Variants in CNTNAP4 observed in about 807,000 individuals in gnomAD.
CNTNAP4 encodes the protein contactin-associated protein-like 4.
In CNTNAP4, 98 loss-of-function variants were observed where a neutral mutation model predicts 148.4. The ratio of observed to expected loss-of-function variants is 0.66; its 90% CI spans 0.56 to 0.78. The LOEUF (loss-of-function observed/expected upper bound fraction) is 0.78. CNTNAP4 is among the 30% of genes least tolerant of loss of function. The pLI is 0.00. For synonymous variants in CNTNAP4, 730 were observed against 565.1 expected (o/e 1.29, Z -4.14); for missense variants, 1,935 against 1,565.6 (o/e 1.24, Z -3.98).
intron 4 of CNTNAP4, among the ~76,000 whole-genome samples, chr16:76,441,421 T>A (rs562663878): frequency 6.6e-6 from 1 of 152,278 alleles, no homozygotes; most frequent in East Asian, 1.9e-4. Flanking sequence ...ATTGTGTAAA[T>A]AAAGCAAGCT....
chr16:76,374,989 G>C (rs530498245), intron 3 of CNTNAP4, among the ~76,000 whole-genome samples: 2 of 151,782 alleles, frequency 1.3e-5, no homozygotes, highest in African/African-American at 4.8e-5. Context: ...GGCTGGTCTC[G>C]AACTCCTGAC....
intron 3 of CNTNAP4, among the ~76,000 whole-genome samples, chr16:76,363,104 A>G (rs1027582294): frequency 7.9e-5 from 12 of 151,866 alleles, no homozygotes; most frequent in Non-Finnish European, 1.6e-4. Context: ...CTCTTCAACA[A>G]ATGCTACTGG....
intron 3 of CNTNAP4, among the ~76,000 whole-genome samples, chr16:76,419,995 G>C (rs897450153): frequency 6.6e-6 from 1 of 151,920 alleles, no homozygotes; most frequent in Non-Finnish European, 1.5e-5. Context: ...TTGTGGGTTA[G>C]GGCTTCAACA....
chr16:76,447,959 T>A, intron 4 of CNTNAP4, 53 bp from the exon 5 acceptor site: 1 of 1,337,304 alleles, frequency 7.5e-7, no homozygotes, highest in Non-Finnish European at 1.1e-6. Context: ...TTAAAATGAT[T>A]TAATGGAAAA....
At chr16:76,373,749 G>T (rs28376394) in intron 3 of CNTNAP4, among the ~76,000 whole-genome samples, 24,844 of 151,728 alleles carry the variant, frequency 0.16, 2,609 homozygotes, top group East Asian at 0.46. Flanking sequence ...ACAAAAATTA[G>T]CCAGGCATGG....
At chr16:76,298,505 TGTGTGTGTGTGTGTGTGTGTGTGTGA>T (rs1331303898) in intron 1 of CNTNAP4, among the ~76,000 whole-genome samples, 2 of 150,256 alleles carry the variant, frequency 1.3e-5, no homozygotes, top group Non-Finnish European at 1.5e-5. Flanking sequence ...TGTGTGTGTG[TGTGTGTGTGTGTGTGTGTGTGTGTGA>T]GGTAAGGGGC....
chr16:76,403,520 G>A (rs1355026940), intron 3 of CNTNAP4, among the ~76,000 whole-genome samples: 6 of 152,134 alleles, frequency 3.9e-5, no homozygotes. Flanking sequence ...AAGTCAGAAT[G>A]GCTATTATTA....
chr16:76,338,831 A>T, intron 2 of CNTNAP4, among the ~76,000 whole-genome samples: 1 of 152,286 alleles, frequency 6.6e-6, no homozygotes, highest in Non-Finnish European at 1.5e-5. Context: ...AAAAATTTCC[A>T]TTGTGTAAGA....
At chr16:76,465,505 A>G (rs996386636) in intron 9 of CNTNAP4, among the ~76,000 whole-genome samples, 1 of 152,176 alleles carries the variant, frequency 6.6e-6, no homozygotes, top group Non-Finnish European at 1.5e-5. Context: ...ATATTGCACA[A>G]TTTATTTTAT....
intron 2 of CNTNAP4, among the ~76,000 whole-genome samples, chr16:76,323,627 C>G (rs1310587753): frequency 1.3e-5 from 2 of 152,150 alleles, no homozygotes; most frequent in African/African-American, 2.4e-5. Context: ...TGACTGTCCA[C>G]CTGCCTGGCT....
At chr16:76,546,675 A>C (rs1307475618) in intron 21 of CNTNAP4, among the ~76,000 whole-genome samples, 2 of 152,160 alleles carry the variant, frequency 1.3e-5, no homozygotes, top group Non-Finnish European at 2.9e-5. Context: ...GAATCATCCC[A>C]AAGCCATCCC....
intron 3 of CNTNAP4, among the ~76,000 whole-genome samples, chr16:76,388,372 A>G (rs2016685700): frequency 6.6e-6 from 1 of 152,230 alleles, no homozygotes; most frequent in African/African-American, 2.4e-5. Context: ...CCACACAGCA[A>G]AATACCATTC....
At position 76,553,843 on chromosome 16, in the gene CNTNAP4, T is replaced by C; in HGVS notation, c.3669T>C (p.Ser1223=). Residue 1223 remains serine, a synonymous_variant, in exon 23 of 24, where the codon TCT becomes TCC. Coordinates refer to ENST00000611870, the MANE Select transcript of CNTNAP4 (RefSeq NM_033401.5). ...RERTHSFADH[S]GTIDDREPLA... ...GTTGTGCTTTAACTGCAGATCATTC[T>C]GGAACAATAGATGACAGAGAGCCCC... 6.2e-7 allele frequency: 1 copy of C among 1,610,480 alleles called. No individual in the cohort carries two copies. The highest frequency in any genetic ancestry group is 1.1e-5 in the South Asian group (1 of 90,874).
chr16:76,451,599 A>ATGTGTGTGTGTGTGTGTGTGTGTGTG (rs71134761), intron 7 of CNTNAP4, among the ~76,000 whole-genome samples: 29 of 141,360 alleles, frequency 2.1e-4, no homozygotes, highest in African/African-American at 6.4e-4. Context: ...TTTTAGATAG[A>ATGTGTGTGTGTGTGTGTGTGTGTGTG]TGTGTGTGTG....
At chr16:76,318,105 T>A (rs1030602071) in intron 2 of CNTNAP4, among the ~76,000 whole-genome samples, 1 of 152,214 alleles carries the variant, frequency 6.6e-6, no homozygotes, top group African/African-American at 2.4e-5. Context: ...TTCCAGGCCC[T>A]GTACCTATGG....
intron 15 of CNTNAP4, among the ~76,000 whole-genome samples, chr16:76,520,114 G>T (rs1348192897): frequency 1.3e-5 from 2 of 152,160 alleles, no homozygotes; most frequent in Non-Finnish European, 2.9e-5. Context: ...AGAGGCAGTT[G>T]CTTAAAACTA....
At chr16:76,437,380 G>T (rs1433035722) in intron 4 of CNTNAP4, among the ~76,000 whole-genome samples, 1 of 151,964 alleles carries the variant, frequency 6.6e-6, no homozygotes, top group Non-Finnish European at 1.5e-5. Flanking sequence ...TCATTACATG[G>T]AGTTATATTA....
At chr16:76,436,004 G>A (rs1208948290) in intron 4 of CNTNAP4, among the ~76,000 whole-genome samples, 2 of 152,128 alleles carry the variant, frequency 1.3e-5, no homozygotes, top group East Asian at 3.9e-4. Context: ...CAAGTGTAGT[G>A]CACCTCCTCA....
intron 3 of CNTNAP4, among the ~76,000 whole-genome samples, chr16:76,389,081 A>G (rs987969791): frequency 6.6e-6 from 1 of 152,228 alleles, no homozygotes. Flanking sequence ...ATAATAGAGT[A>G]TAAGTATGTG....
Sources: gnomAD v4.1 joint callset for allele counts (sites outside exome capture counted in the v4.1 genomes callset) on GRCh38, gnomAD v4.1.1 for gene constraint, MANE v1.5 for transcripts, NCBI Gene and HGNC (gene_info 2026-07-23, HGNC 2026-07-21) for gene names.